Variants in ARRDC3 observed in about 807,000 individuals in gnomAD.
ARRDC3 encodes the protein arrestin domain-containing protein 3.
In ARRDC3, 10 loss-of-function variants were observed where a neutral mutation model predicts 47.2. That is an observed-to-expected ratio of 0.21 (90% CI 0.13 to 0.36). ARRDC3 has a LOEUF of 0.36. ARRDC3 is among the 10% of genes least tolerant of loss of function. The pLI, the probability that ARRDC3 is intolerant of heterozygous loss-of-function variation, is 1.00. For missense variants in ARRDC3, 381 were observed against 503.6 expected, an observed-to-expected ratio of 0.76 and a Z score of 2.33; for synonymous variants, 156 against 178.3, an observed-to-expected ratio of 0.87 and a Z score of 1.00.
chr5:91,378,924 T>G (rs966498639), intron 1 of ARRDC3, 149 bp from the exon 2 acceptor site: 5 of 487,250 alleles, frequency 1.0e-5, no homozygotes, highest in African/African-American at 8.1e-5. Flanking sequence ...AATTCTAACT[T>G]CATCATTTCC....
chr5:91,378,645 G>T (rs775964717), intron 2 of ARRDC3, 49 bp downstream of exon 2: 4 of 1,017,674 alleles, frequency 3.9e-6, no homozygotes, highest in Non-Finnish European at 4.4e-6. Flanking sequence ...TTAAAATAAT[G>T]CTCTGATCAT....
intron 4 of ARRDC3, 65 bp from the exon 5 acceptor site, chr5:91,375,243 T>C (rs1799274022): frequency 2.6e-6 from 4 of 1,518,600 alleles, no homozygotes; most frequent in Non-Finnish European, 3.5e-6. Context: ...GTCAAGATTC[T>C]TAAAGCTAAA....
rs1799487777 is a variant in ARRDC3 at position 91,383,191 on chromosome 5, T to A, written c.-99A>T. The stretch of plus-strand genomic sequence containing the variant: ...TTAACACTGATCGATATTTTTGCCG[T>A]GCAAAATGCTTGCAGGCCGGATCAG... On this transcript the variant is annotated 5_prime_UTR_variant, in exon 1 of 8. Coordinates refer to ENST00000265138, the MANE Select transcript of ARRDC3 (RefSeq NM_020801.4). 3 of 1,128,640 alleles carry A rather than the reference T, an allele frequency of 2.7e-6. No homozygotes were observed. The highest frequency in any genetic ancestry group is 1.2e-6 in the Non-Finnish European group (1 of 810,126). 69.9% of individuals were successfully genotyped at this position (1,128,640 alleles called of 1,614,324 possible).
At chr5:91,371,526 T>A in intron 7 of ARRDC3, 70 bp from the exon 8 acceptor site, 2 of 1,194,484 alleles carry the variant, frequency 1.7e-6, no homozygotes, top group Non-Finnish European at 2.4e-6. Context: ...AGCAAATGAC[T>A]ACAATTCTGA....
Position 91,383,268 on chromosome 5 carries a change from A to G in ARRDC3, c.-176T>C. 2 of 620,132 alleles carry G rather than the reference A, an allele frequency of 3.2e-6. No homozygotes were observed. The highest frequency in any genetic ancestry group is 5.3e-6 in the Non-Finnish European group (2 of 375,620). 38.4% of individuals were successfully genotyped at this position (620,132 alleles called of 1,614,324 possible). ...ATTTCTTAAAAAGTCAGGGCAGCAGAGGCTGCTGCTCCGCGCTCCCGCTCG... is the reference window on the plus strand; with the variant it reads ...ATTTCTTAAAAAGTCAGGGCAGCAGGGGCTGCTGCTCCGCGCTCCCGCTCG... On this transcript the variant is annotated 5_prime_UTR_variant, in exon 1 of 8. Transcript: ENST00000265138.
At chr5:91,381,025 C>T (rs1799445400) in intron 1 of ARRDC3, 1 of 152,214 alleles carries the variant, frequency 6.6e-6, no homozygotes, top group Non-Finnish European at 1.5e-5. Context: ...ACTCTCCCCA[C>T]CCGCCCGCGC....
rs977656100 is a variant in ARRDC3 at position 91,371,057 on chromosome 5, A to G, written c.*343T>C. 4.1e-5 allele frequency: 10 copies of G among 242,884 alleles called. No individual in the cohort carries two copies. The highest frequency in any genetic ancestry group is 6.3e-5 in the Non-Finnish European group (8 of 127,276). The allele number at this position is 242,884 out of a possible 1,614,324, so 15.0% of individuals were successfully genotyped here. A position where few individuals can be genotyped will look rare whatever the true frequency, so the allele number is the denominator to read the frequency against. The stretch of plus-strand genomic sequence containing the variant: ...AGCTGTAGTGACGTCGAACCGCACA[A>G]TGTAAGCATTGAGCATGTGCAAATT... On this transcript the variant is annotated 3_prime_UTR_variant, in exon 8 of 8. Coordinates refer to ENST00000265138, the MANE Select transcript of ARRDC3 (RefSeq NM_020801.4).
In ARRDC3 at chr5:91,371,182, A is replaced by C; in HGVS notation, c.*218T>G. The C allele has an allele frequency of 1.8e-6, 1 of 543,472 alleles. No homozygotes were observed. The highest frequency in any genetic ancestry group is 3.3e-6 in the Non-Finnish European group (1 of 305,878). 33.7% of individuals were successfully genotyped at this position (543,472 alleles called of 1,614,324 possible). On this transcript the variant is annotated 3_prime_UTR_variant, in exon 8 of 8. Coordinates refer to ENST00000265138, the MANE Select transcript of ARRDC3 (RefSeq NM_020801.4). ...CTGCTCTGAGTATGTGCCAGTTTTAAAAGAGAAAAGCTTAGATCTTCAAGC... is the reference window on the plus strand; with the variant it reads ...CTGCTCTGAGTATGTGCCAGTTTTACAAGAGAAAAGCTTAGATCTTCAAGC...
At chr5:91,379,835 G>C (rs1007125873) in intron 1 of ARRDC3, 1 of 151,968 alleles carries the variant, frequency 6.6e-6, no homozygotes, top group African/African-American at 2.4e-5. Flanking sequence ...ATGCCTCCCT[G>C]ATATTAAACG....
chr5:91,374,796 G>T, intron 5 of ARRDC3, 126 bp downstream of exon 5: 1 of 943,386 alleles, frequency 1.1e-6, no homozygotes, highest in Non-Finnish European at 1.6e-6. Context: ...GAGGTGGGAG[G>T]ATCACTGGAG....
At position 91,369,053 on chromosome 5, in the gene ARRDC3, C is replaced by G. The variant is rs1799106417; in HGVS notation, c.*2347G>C. 1 of 152,404 alleles carries G rather than the reference C, an allele frequency of 6.6e-6. No homozygotes were observed. Among genetic ancestry groups the G allele is most frequent in the African/African-American group, 2.4e-5 (1 of 41,358 alleles). The allele number at this position is 152,404 out of a possible 1,614,324, so 9.4% of individuals were successfully genotyped here. ...GACCAATATTTTTAAAAAAGTAATG[C>G]CTCTAAAGAAATACATTTTAAAGGG... On this transcript the variant is annotated 3_prime_UTR_variant, in exon 8 of 8. Coordinates refer to ENST00000265138, the MANE Select transcript of ARRDC3 (RefSeq NM_020801.4).
rs1799281334 is a variant in ARRDC3 at position 91,375,554 on chromosome 5, T to C, written c.570A>G (p.Pro190=). The C allele has an allele frequency of 6.2e-7, 1 of 1,612,240 alleles. No homozygotes were observed. The change falls in exon 4 of 8, where the codon CCA becomes CCG. Residue 190 remains proline, a synonymous_variant. Transcript: ENST00000265138. ...TTTCAATTTTGGCACTTAAGGATAT[T>C]GGGCCTGAGGTACAGAACCAGCAAC... ...TLCCWFCTSG[P]ISLSAKIERK...
At chr5:91,381,149 G>GT (rs980857951) in intron 1 of ARRDC3, 9 of 151,768 alleles carry the variant, frequency 5.9e-5, no homozygotes, top group African/African-American at 2.2e-4. Context: ...AGAGCTCCCA[G>GT]TTTCAAGTCA....
chr5:91,376,559 T>C (rs912599259), intron 3 of ARRDC3, 62 bp downstream of exon 3: 29 of 1,403,710 alleles, frequency 2.1e-5, no homozygotes, highest in Middle Eastern at 2.5e-4. Context: ...GTTTAGGTGA[T>C]TGATTATTCT....
Position 91,375,065 on chromosome 5 carries a change from C to A in ARRDC3, c.727G>T (p.Val243Leu), listed in dbSNP as rs1281906944. 6.2e-7 allele frequency: 1 copy of A among 1,614,206 alleles called. No homozygotes were observed. Among genetic ancestry groups the A allele is most frequent in the East Asian group, 2.2e-5 (1 of 44,888 alleles). The change falls in exon 5 of 8, where the codon GTA (valine) becomes TTA (leucine). Residue 243 changes from valine (V) to leucine (L), a missense_variant. Val to Leu is a conservative substitution (Grantham distance 32). Coordinates refer to ENST00000265138, the MANE Select transcript of ARRDC3 (RefSeq NM_020801.4). Reference protein sequence around the residue: ...AFYAKGKMKEVKQLVANLRGE... With the variant: ...AFYAKGKMKELKQLVANLRGE... ...CGCAAGTTAGCCACAAGCTGTTTTA[C>A]TTCCTTCATTTTCCCTTTGGCATAG...
rs1799490049 is a variant in ARRDC3, at chr5:91,383,295, C to G, written c.-203G>C. 1 of 530,608 alleles carries G rather than the reference C, an allele frequency of 1.9e-6. No individual in the cohort carries two copies. Among genetic ancestry groups the G allele is most frequent in the African/African-American group, 2.0e-5 (1 of 51,186 alleles). 32.9% of individuals were successfully genotyped at this position (530,608 alleles called of 1,614,324 possible). ...GCTGCTGCTCCGCGCTCCCGCTCGT[C>G]TCAGTGGTCTCCTTACAAAGACGGG... On this transcript the variant is annotated 5_prime_UTR_variant, in exon 1 of 8. Coordinates refer to ENST00000265138, the MANE Select transcript of ARRDC3 (RefSeq NM_020801.4).
chr5:91,374,816 C>T lies in ARRDC3; in HGVS notation c.870+106G>A. On this transcript the variant is annotated intron_variant, in intron 5 of 7. Coordinates refer to ENST00000265138, the MANE Select transcript of ARRDC3 (RefSeq NM_020801.4). ...GGGAGGATCACTGGAGCCCAGAAAG[C>T]AGAGGCTGTAGCGGAGCTGAGACTG... 3 of 1,183,202 alleles carry T rather than the reference C, an allele frequency of 2.5e-6. No individual in the cohort carries two copies. In the South Asian group the frequency reaches 4.6e-5, roughly 18 times the overall value. 73.3% of individuals were successfully genotyped at this position (1,183,202 alleles called of 1,614,324 possible).
At chr5:91,376,390 T>C (rs968547375) in intron 3 of ARRDC3, among the ~76,000 whole-genome samples, 11 of 152,230 alleles carry the variant, frequency 7.2e-5, no homozygotes, top group African/African-American at 2.7e-4. Flanking sequence ...TCATATCATA[T>C]ACTGGTCTTA....
At chr5:91,375,431 T>C (rs1401926648) in intron 4 of ARRDC3, 80 bp downstream of exon 4, 4 of 980,598 alleles carry the variant, frequency 4.1e-6, no homozygotes, top group South Asian at 3.1e-5. Context: ...ATTATGTTTA[T>C]ATTTAGTAGT....
Sources: gnomAD v4.1 joint callset for allele counts (sites outside exome capture counted in the v4.1 genomes callset) on GRCh38, gnomAD v4.1.1 for gene constraint, MANE v1.5 for transcripts, NCBI Gene and HGNC (gene_info 2026-07-23, HGNC 2026-07-21) for gene names.